The following NAV3 variants were observed in gnomAD, a reference collection of about 807,000 sequenced individuals.
NAV3 encodes the protein neuron navigator 3.
Under a neutral mutation model 244.7 loss-of-function variants are expected in NAV3, and 87 were observed. That is an observed-to-expected ratio of 0.36 (90% CI 0.30 to 0.42). The LOEUF (loss-of-function observed/expected upper bound fraction) is 0.42. Among genes scored for constraint, NAV3 ranks in the 20% least tolerant of loss-of-function variants. NAV3 has a pLI of 1.00. For synonymous variants in NAV3, 1,126 were observed against 1,042.2 expected (o/e 1.08, Z -1.55); for missense variants, 2,663 against 2,893.3 (o/e 0.92, Z 1.83).
intron 2 of NAV3, among the ~76,000 whole-genome samples, chr12:77,671,591 G>C (rs1180938380): frequency 6.6e-6 from 1 of 152,116 alleles, no homozygotes; most frequent in Non-Finnish European, 1.5e-5. Context: ...ACAGAGTAGC[G>C]ATTCCAGAAA....
intron 2 of NAV3, among the ~76,000 whole-genome samples, chr12:77,672,020 A>G (rs774630515): frequency 2.2e-4 from 34 of 152,222 alleles, no homozygotes; most frequent in Non-Finnish European, 8.8e-5. Flanking sequence ...ACAAAAGACC[A>G]ATATCCAGAA....
chr12:77,848,302 CTG>C (rs1295267879), intron 1 of NAV3, among the ~76,000 whole-genome samples: 7 of 152,220 alleles, frequency 4.6e-5, no homozygotes, highest in African/African-American at 1.7e-4. Context: ...TTTTTGTAAA[CTG>C]TGTCTCAGAC....
At chr12:77,875,772 T>G (rs1001310316) in intron 1 of NAV3, among the ~76,000 whole-genome samples, 1 of 152,070 alleles carries the variant, frequency 6.6e-6, no homozygotes, top group African/African-American at 2.4e-5. Context: ...GTCTCTAATG[T>G]GCTTTTATGT....
In NAV3 at chr12:78,128,714, C is replaced by G. The variant is rs751508114; in HGVS notation, c.4289C>G (p.Pro1430Arg). The change falls in exon 18 of 40, where the codon CCA becomes CGA. Residue 1430 changes from proline to arginine, a missense_variant. By Grantham distance (103) the Pro-to-Arg change is moderately radical. Coordinates refer to ENST00000397909, the MANE Select transcript of NAV3 (RefSeq NM_001024383.2). Reference sequence around the variant, plus strand: ...GCTGTGCTGTTTTGCAGATATACCCCATCATCTCGGCAGGCCAACCAAGAA... The same window carrying G: ...GCTGTGCTGTTTTGCAGATATACCCGATCATCTCGGCAGGCCAACCAAGAA... ...TLPKKGLRYTPSSRQANQEEG... is the reference protein window; with the variant it reads ...TLPKKGLRYTRSSRQANQEEG... The G allele has an allele frequency of 4.3e-6, 7 of 1,613,632 alleles. No individual in the cohort carries two copies. In the South Asian group the frequency reaches 7.7e-5, roughly 18 times the overall value.
intron 1 of NAV3, among the ~76,000 whole-genome samples, chr12:77,896,657 T>C (rs1884665587): frequency 6.6e-6 from 1 of 152,130 alleles, no homozygotes; most frequent in South Asian, 2.1e-4. Flanking sequence ...TCTGCCTCTA[T>C]CAGGGATTTA....
intron 12 of NAV3, among the ~76,000 whole-genome samples, chr12:78,093,479 C>T (rs2138065157): frequency 6.6e-6 from 1 of 152,244 alleles, no homozygotes; most frequent in African/African-American, 2.4e-5. Context: ...GCCCTTCAAT[C>T]TCATAGGGCA....
At position 77,733,926 on chromosome 12, in the gene NAV3, T is replaced by G. The variant is rs115397376; in HGVS notation, c.72+161660T>G. Among the ~76,000 whole-genome samples the G allele has an allele frequency of 3.3e-3, 489 of 150,226 alleles. 3 individuals carry two copies. The highest frequency in any genetic ancestry group is 0.011 in the African/African-American group (448 of 40,734). ...ATGAGAGGTGAGGGAGTAAACTCAA[T>G]TGGTGGAGAAACTAGATATTTAAGA... On this transcript the variant is annotated intron_variant, in intron 2 of 8. Transcript: ENST00000550042.
At chr12:78,051,329 A>G (rs922422592) in intron 11 of NAV3, among the ~76,000 whole-genome samples, 182 bp downstream of exon 11, 3 of 152,198 alleles carry the variant, frequency 2.0e-5, no homozygotes, top group African/African-American at 4.8e-5. Flanking sequence ...AAAGAATCCA[A>G]GATTTCTATA....
intron 2 of NAV3, among the ~76,000 whole-genome samples, chr12:77,700,403 A>G (rs529742115): frequency 6.6e-6 from 1 of 152,268 alleles, no homozygotes; most frequent in East Asian, 1.9e-4. Context: ...AAATAAATTA[A>G]AATTAAAGTT....
intron 2 of NAV3, among the ~76,000 whole-genome samples, chr12:77,750,308 A>G (rs796695082): frequency 1.3e-5 from 2 of 152,112 alleles, no homozygotes; most frequent in South Asian, 4.1e-4. Context: ...AGCTGAGATC[A>G]CGCCACTGCA....
intron 2 of NAV3, among the ~76,000 whole-genome samples, chr12:77,685,877 A>G (rs1426014798): frequency 1.3e-5 from 2 of 152,214 alleles, no homozygotes; most frequent in African/African-American, 2.4e-5. Flanking sequence ...TGCCGTTGCC[A>G]TTTAGAGTGT....
At position 78,185,616 on chromosome 12, in the gene NAV3, A is replaced by C. The variant is rs1291514527; in HGVS notation, c.5708A>C (p.Asp1903Ala). ...AATTTGATAGATATTTTGCTAGATG[A>C]TGCTGGTGATGCAACTGGACATAAA... ...EAVSSDILLD[D>A]AGDATGHKDG... Residue 1903 changes from aspartate (D) to alanine (A), a missense_variant, in exon 31 of 40, where the codon GAT becomes GCT. Coordinates refer to ENST00000397909, the MANE Select transcript of NAV3 (RefSeq NM_001024383.2). The C allele has an allele frequency of 3.1e-6, 5 of 1,608,136 alleles. No individual in the cohort carries two copies. The highest frequency in any genetic ancestry group is 2.2e-5 in the South Asian group (2 of 90,890).
intron 12 of NAV3, among the ~76,000 whole-genome samples, chr12:78,080,163 C>G (rs1953274691): frequency 6.6e-6 from 1 of 152,134 alleles, no homozygotes; most frequent in Admixed American, 6.5e-5. Context: ...TACACTGTTT[C>G]TAACTTAGAA....
intron 9 of NAV3, among the ~76,000 whole-genome samples, chr12:78,041,889 A>G (rs1880923632): frequency 6.6e-6 from 1 of 152,110 alleles, no homozygotes; most frequent in Non-Finnish European, 1.5e-5. Context: ...CTATGTGACA[A>G]TTTTCATAGT....
chr12:78,200,625 T>TTA, intron 38 of NAV3, 34 bp downstream of exon 38: 14 of 1,036,708 alleles, frequency 1.4e-5, no homozygotes, highest in Admixed American at 5.4e-5. Flanking sequence ...TATTTTTTTT[T>TTA]AAAAAAAAAA....
chr12:78,140,559 C>T (rs1251674287), intron 20 of NAV3, among the ~76,000 whole-genome samples: 1 of 152,140 alleles, frequency 6.6e-6, no homozygotes, highest in Non-Finnish European at 1.5e-5. Context: ...TTTGTGCACT[C>T]ATCATAATCA....
intron 12 of NAV3, among the ~76,000 whole-genome samples, chr12:78,059,638 AGCTCTG>A (rs1884035065): frequency 6.6e-6 from 1 of 152,094 alleles, no homozygotes; most frequent in Non-Finnish European, 1.5e-5. Flanking sequence ...AGGCCATTTT[AGCTCTG>A]TAATACCAAA....
chr12:77,800,738 G>A (rs1033015277), intron 2 of NAV3, among the ~76,000 whole-genome samples: 8 of 151,990 alleles, frequency 5.3e-5, no homozygotes, highest in African/African-American at 1.7e-4. Context: ...ATTTAGTAGG[G>A]GGATTATTTT....
chr12:77,837,903 T>C (rs778685354), intron 1 of NAV3, among the ~76,000 whole-genome samples: 9 of 152,198 alleles, frequency 5.9e-5, no homozygotes, highest in Non-Finnish European at 1.0e-4. Context: ...GTTAGAAATA[T>C]AGCAGCAGAT....
Sources: gnomAD v4.1 joint callset for allele counts (sites outside exome capture counted in the v4.1 genomes callset) on GRCh38, gnomAD v4.1.1 for gene constraint, MANE v1.5 for transcripts, NCBI Gene and HGNC (gene_info 2026-07-23, HGNC 2026-07-21) for gene names.